The following B3GLCT variants were observed in gnomAD, a reference collection of about 807,000 sequenced individuals.
The protein encoded by B3GLCT is beta 3-glucosyltransferase.
B3GLCT carries 65 observed loss-of-function variants against 63.4 expected under a neutral mutation model. The observed-to-expected ratio is 1.03, with a 90% CI of 0.84 to 1.26. The LOEUF is 1.26. Ranked by LOEUF, B3GLCT falls within the 50% of genes most tolerant of loss-of-function variation. The probability of loss-of-function intolerance (pLI) is 0.00; values close to 1 mark genes in which losing one functional copy is unlikely to be tolerated. For missense variants in B3GLCT, 577 were observed against 604.8 expected (o/e 0.95, Z 0.48); for synonymous variants, 233 against 219.2 (o/e 1.06, Z -0.55).
At chr13:31,262,781 C>A (rs1593282015) in intron 7 of B3GLCT, among the ~76,000 whole-genome samples, 1 of 152,176 alleles carries the variant, frequency 6.6e-6, no homozygotes, top group Non-Finnish European at 1.5e-5. Flanking sequence ...CTCAAGTATT[C>A]TTCTCATCCT....
intron 12 of B3GLCT, chr13:31,311,162 A>G (rs1256158853): frequency 6.6e-6 from 1 of 152,250 alleles, no homozygotes; most frequent in African/African-American, 2.4e-5. Context: ...CCAGCATTAT[A>G]ATAAAAGACT....
At chr13:31,271,282 T>A (rs374989496) in intron 8 of B3GLCT, among the ~76,000 whole-genome samples, 1 of 152,232 alleles carries the variant, frequency 6.6e-6, no homozygotes, top group African/African-American at 2.4e-5. Flanking sequence ...GACTCATCCA[T>A]GTTGATTCAT....
chr13:31,227,518 C>A (rs1870160491), intron 3 of B3GLCT, among the ~76,000 whole-genome samples: 1 of 152,166 alleles, frequency 6.6e-6, no homozygotes, highest in Admixed American at 6.5e-5. Flanking sequence ...AGCCGAGAAG[C>A]TGGTTTAAAA....
intron 13 of B3GLCT, among the ~76,000 whole-genome samples, chr13:31,320,201 A>G (rs1331301091): frequency 6.6e-6 from 1 of 152,180 alleles, no homozygotes; most frequent in Non-Finnish European, 1.5e-5. Flanking sequence ...GTGGCTTCTC[A>G]TTGTCTTTTC....
At chr13:31,209,301 T>TAGC (rs1869141893) in intron 1 of B3GLCT, among the ~76,000 whole-genome samples, 1 of 152,056 alleles carries the variant, frequency 6.6e-6, no homozygotes, top group Admixed American at 6.5e-5. Flanking sequence ...CTACCATGGA[T>TAGC]TATCTTCAAA....
At chr13:31,278,646 T>C (rs1872909923) in intron 10 of B3GLCT, among the ~76,000 whole-genome samples, 1 of 152,212 alleles carries the variant, frequency 6.6e-6, no homozygotes, top group African/African-American at 2.4e-5. Flanking sequence ...GAAGTCCATT[T>C]TGCATGACTT....
At chr13:31,327,464 C>T (rs530118445) in intron 14 of B3GLCT, among the ~76,000 whole-genome samples, 10 of 152,296 alleles carry the variant, frequency 6.6e-5, no homozygotes, top group African/African-American at 2.4e-4. Context: ...GCAGGGCCCG[C>T]AACTTAAAAC....
intron 1 of B3GLCT, among the ~76,000 whole-genome samples, chr13:31,207,733 G>A (rs1869032803): frequency 6.6e-6 from 1 of 152,180 alleles, no homozygotes; most frequent in African/African-American, 2.4e-5. Context: ...GATCATATCT[G>A]AGTCGATAGT....
intron 4 of B3GLCT, among the ~76,000 whole-genome samples, chr13:31,242,830 A>G (rs1311220883): frequency 6.6e-6 from 1 of 152,252 alleles, no homozygotes; most frequent in Non-Finnish European, 1.5e-5. Context: ...AGGACATTTA[A>G]TGATTAAGAC....
intron 12 of B3GLCT, among the ~76,000 whole-genome samples, chr13:31,301,106 C>CATCA (rs1257596853): frequency 6.6e-6 from 1 of 152,222 alleles, no homozygotes; most frequent in African/African-American, 2.4e-5. Flanking sequence ...AAGGGGGTTT[C>CATCA]ATCAAGATCA....
chr13:31,237,733 A>G, intron 4 of B3GLCT, among the ~76,000 whole-genome samples: 1 of 152,296 alleles, frequency 6.6e-6, no homozygotes, highest in African/African-American at 2.4e-5. Flanking sequence ...TGAGAAAGGG[A>G]AAAACTAAGA....
rs530527425 is a variant in B3GLCT at position 31,209,108 on chromosome 13, G to A, written c.71-5943G>A. On this transcript the variant is annotated intron_variant, in intron 1 of 14. Transcript: ENST00000343307. The stretch of plus-strand genomic sequence containing the variant: ...TAAAATCCGATGCCCCTTAAAAAAC[G>A]TACGGAGTGACAGGGCCTTCCATCC... 2.2e-4 allele frequency among the ~76,000 whole-genome samples: 34 copies of A among 152,320 alleles called. 1 individual carries two copies. The East Asian group carries it at 3.7e-3, about 16-fold the overall frequency.
chr13:31,205,012 A>G (rs564484788), intron 1 of B3GLCT, among the ~76,000 whole-genome samples: 48 of 152,306 alleles, frequency 3.2e-4, no homozygotes, highest in Admixed American at 8.5e-4. Context: ...GTATAGTTCT[A>G]TGGCATTAAG....
Position 31,222,988 on chromosome 13 carries a change from A to C in B3GLCT, c.157A>C (p.Ile53Leu). The part of the protein sequence containing the change: ...EKSGISRKND[I>L]DLKGIVFVIQ... ...AAGTGGTATATCAAGGAAAAATGAC[A>C]TAGGTAAGTAATGATTTTTTTTACC... The change falls in exon 3 of 15, where the codon ATA becomes CTA. Residue 53 changes from isoleucine to leucine, a missense_variant. Transcript: ENST00000343307. 1 of 1,501,176 alleles carries C rather than the reference A, an allele frequency of 6.7e-7. No individual in the cohort carries two copies. Among genetic ancestry groups the C allele is most frequent in the Non-Finnish European group, 9.3e-7 (1 of 1,078,038 alleles). 93.0% of individuals were successfully genotyped at this position (1,501,176 alleles called of 1,614,324 possible).
intron 14 of B3GLCT, among the ~76,000 whole-genome samples, chr13:31,327,223 C>G (rs1453749187): frequency 6.6e-6 from 1 of 152,142 alleles, no homozygotes; most frequent in Non-Finnish European, 1.5e-5. Context: ...TAAAATAGAG[C>G]AATTATAACC....
In B3GLCT at chr13:31,308,362, A is replaced by C. The variant is rs9573874; in HGVS notation, c.1065-9204A>C. On this transcript the variant is annotated intron_variant, in intron 12 of 14. Coordinates refer to ENST00000343307, the MANE Select transcript of B3GLCT (RefSeq NM_194318.4). The stretch of plus-strand genomic sequence containing the variant: ...AAAAAAAAATTAAAAAAAAAAAAAC[A>C]AAAAAAAAAGCTAGTCCCACATGGC... 6.8e-4 allele frequency among the ~76,000 whole-genome samples: 42 copies of C among 61,890 alleles called. 3 individuals carry two copies. Among genetic ancestry groups the C allele is most frequent in the South Asian group, 1.5e-3 (2 of 1,340 alleles). 40.6% of individuals were successfully genotyped at this position (61,890 alleles called of 152,430 possible).
intron 12 of B3GLCT, among the ~76,000 whole-genome samples, chr13:31,293,335 A>T (rs1184030472): frequency 6.6e-6 from 1 of 152,152 alleles, no homozygotes; most frequent in African/African-American, 2.4e-5. Flanking sequence ...TCCAGAGCTG[A>T]GTTCAAGTCC....
chr13:31,316,925 A>G (rs1482846487), intron 12 of B3GLCT, among the ~76,000 whole-genome samples: 1 of 152,192 alleles, frequency 6.6e-6, no homozygotes, highest in African/African-American at 2.4e-5. Context: ...AATGTGTGTT[A>G]AAGGCAGATA....
chr13:31,230,110 A>T (rs1264173439), intron 4 of B3GLCT, among the ~76,000 whole-genome samples: 1 of 152,194 alleles, frequency 6.6e-6, no homozygotes, highest in Admixed American at 6.5e-5. Flanking sequence ...TTTTGAGTTG[A>T]TTTATAATGT....
Sources: allele counts gnomAD v4.1 joint callset (sites outside exome capture counted in the v4.1 genomes callset), GRCh38; gene constraint gnomAD v4.1.1; transcripts MANE v1.5; gene names NCBI Gene and HGNC (gene_info 2026-07-23, HGNC 2026-07-21).